SUPT3H: variants seen among roughly 807,000 people sequenced by gnomAD.
The protein encoded by SUPT3H is SPT3 homolog, SAGA and STAGA complex component.
A neutral mutation model predicts 44.3 loss-of-function variants in SUPT3H; 44 were observed. The ratio of observed to expected loss-of-function variants is 0.99; its 90% CI spans 0.78 to 1.28. The LOEUF (loss-of-function observed/expected upper bound fraction) is 1.28, where lower values mean the gene tolerates loss of function less well. SUPT3H is among the 50% of genes most tolerant of loss of function. The probability of loss-of-function intolerance (pLI) is 0.00; values close to 1 mark genes in which losing one functional copy is unlikely to be tolerated. For missense variants in SUPT3H, 380 were observed against 387.1 expected, an observed-to-expected ratio of 0.98 and a Z score of 0.15; for synonymous variants, 124 against 125.6, an observed-to-expected ratio of 0.99 and a Z score of 0.09.
intron 2 of SUPT3H, among the ~76,000 whole-genome samples, chr6:45,271,898 G>A (rs1249358777): frequency 6.6e-6 from 1 of 152,188 alleles, no homozygotes; most frequent in Admixed American, 6.5e-5. Context: ...AGTGTGACCT[G>A]GATGTGAGAC....
At chr6:45,195,937 A>G (rs1815943013) in intron 2 of SUPT3H, among the ~76,000 whole-genome samples, 1 of 152,124 alleles carries the variant, frequency 6.6e-6, no homozygotes, top group African/African-American at 2.4e-5. Flanking sequence ...GGGAATAATG[A>G]TCATTCTTAC....
intron 3 of SUPT3H, among the ~76,000 whole-genome samples, chr6:45,067,769 T>C (rs1432107306): frequency 1.4e-5 from 2 of 143,044 alleles, no homozygotes; most frequent in East Asian, 4.0e-4. Context: ...TGAGATACCA[T>C]CTCACACCAG....
intron 10 of SUPT3H, among the ~76,000 whole-genome samples, chr6:44,893,246 CTTTAAG>C (rs1246020735): frequency 1.3e-5 from 2 of 152,076 alleles, no homozygotes; most frequent in Non-Finnish European, 2.9e-5. Flanking sequence ...AATTATTATA[CTTTAAG>C]TTTTAGGGTA....
chr6:45,350,424 A>G (rs544118394), intron 2 of SUPT3H, among the ~76,000 whole-genome samples: 1 of 152,352 alleles, frequency 6.6e-6, no homozygotes, highest in African/African-American at 2.4e-5. Context: ...AATTTGTAAT[A>G]CACACCATTT....
At chr6:45,214,889 A>G (rs1170502471) in intron 2 of SUPT3H, among the ~76,000 whole-genome samples, 1 of 152,108 alleles carries the variant, frequency 6.6e-6, no homozygotes, top group Non-Finnish European at 1.5e-5. Flanking sequence ...CACGACCGAG[A>G]GTCGGCACTC....
At chr6:45,245,202 C>A (rs1464695677) in intron 2 of SUPT3H, among the ~76,000 whole-genome samples, 2 of 151,948 alleles carry the variant, frequency 1.3e-5, no homozygotes, top group African/African-American at 4.8e-5. Context: ...GAATTTAAGT[C>A]CCTAAATAAT....
chr6:44,960,824 T>C (rs1582770459), intron 7 of SUPT3H, among the ~76,000 whole-genome samples: 1 of 152,282 alleles, frequency 6.6e-6, no homozygotes, highest in East Asian at 1.9e-4. Context: ...AAAAAAATCT[T>C]CCAAAACATG....
chr6:45,238,813 A>C (rs1287929846), intron 2 of SUPT3H, among the ~76,000 whole-genome samples: 1 of 152,338 alleles, frequency 6.6e-6, no homozygotes, highest in African/African-American at 2.4e-5. Flanking sequence ...ACGAAGGCAC[A>C]AATACAGCAA....
intron 10 of SUPT3H, among the ~76,000 whole-genome samples, chr6:44,927,073 C>T (rs1769623291): frequency 6.6e-6 from 1 of 151,858 alleles, no homozygotes. Context: ...TATCCACTAT[C>T]ACTATTTATA....
chr6:45,155,994 C>T (rs1373620722), intron 2 of SUPT3H, among the ~76,000 whole-genome samples: 1 of 152,086 alleles, frequency 6.6e-6, no homozygotes, highest in African/African-American at 2.4e-5. Context: ...AAGCCAAACT[C>T]ATTACCTCTT....
At chr6:44,962,417 G>A (rs1227842125) in intron 6 of SUPT3H, among the ~76,000 whole-genome samples, 1 of 152,130 alleles carries the variant, frequency 6.6e-6, no homozygotes, top group Non-Finnish European at 1.5e-5. Flanking sequence ...CTGCTTCACT[G>A]TCCCACAAGA....
At chr6:45,328,439 GCCACCGAGACCAA>G in intron 2 of SUPT3H, 1 of 1,455,452 alleles carries the variant, frequency 6.9e-7, no homozygotes, top group Non-Finnish European at 9.3e-7. Flanking sequence ...GTCACTACCA[GCCACCGAGACCAA>G]CAGAGTCAGT....
intron 10 of SUPT3H, among the ~76,000 whole-genome samples, chr6:44,887,398 C>G (rs1356255430): frequency 6.6e-6 from 1 of 152,152 alleles, no homozygotes; most frequent in Non-Finnish European, 1.5e-5. Flanking sequence ...TGTAAAAGAA[C>G]AGAAATTATA....
chr6:45,165,210 TG>T lies in SUPT3H; in HGVS notation c.102-59205del, dbSNP rs539339546. 2.8e-3 allele frequency among the ~76,000 whole-genome samples: 423 copies of T among 152,230 alleles called. 5 individuals are homozygous for T. Among genetic ancestry groups the T allele is most frequent in the Non-Finnish European group, 1.3e-3 (86 of 68,018 alleles). On this transcript the variant is annotated intron_variant, in intron 2 of 10. Coordinates refer to ENST00000371459, the MANE Select transcript of SUPT3H (RefSeq NM_003599.4). ...CTGATGAAAGCTATCCTAAAAGAGC[TG>T]GAACACTGAGAAAAACCACCAGTAC...
rs1382863307 is a variant in SUPT3H at position 44,848,015 on chromosome 6, G to A, written c.913-18158C>T. 4.1e-5 allele frequency among the ~76,000 whole-genome samples: 5 copies of A among 122,396 alleles called. No homozygotes were observed. In the Admixed American group the frequency reaches 4.3e-4, roughly 11 times the overall value. The allele number at this position is 122,396 out of a possible 152,430, so 80.3% of individuals were successfully genotyped here. A position where few individuals can be genotyped will look rare whatever the true frequency, so the allele number is the denominator to read the frequency against. Reference sequence around the variant, plus strand: ...GGAGTCTGGCTCTGTTATCCAGGCTGGAGTGCAGTGGCATGATCTTGACTC... The same window carrying A: ...GGAGTCTGGCTCTGTTATCCAGGCTAGAGTGCAGTGGCATGATCTTGACTC... On this transcript the variant is annotated intron_variant, in intron 10 of 10. Transcript: ENST00000371459.
chr6:45,250,824 C>T (rs1040679862), intron 2 of SUPT3H: 14 of 151,876 alleles, frequency 9.2e-5, no homozygotes, highest in African/African-American at 3.4e-4. Flanking sequence ...GGGCATAAGA[C>T]TGCCTTTTTT....
chr6:45,081,994 TAAAG>T (rs1307655670), intron 3 of SUPT3H, among the ~76,000 whole-genome samples: 4 of 152,006 alleles, frequency 2.6e-5, no homozygotes, highest in Non-Finnish European at 4.4e-5. Context: ...AACTTGCAAA[TAAAG>T]AAAGTGCCAC....
rs576662149 is a variant in SUPT3H at position 45,050,613 on chromosome 6, C to T, written c.187-29981G>A. Among the ~76,000 whole-genome samples the T allele has an allele frequency of 4.6e-5, 7 of 152,148 alleles. No homozygotes were observed. In the East Asian group the frequency reaches 1.3e-3, roughly 29 times the overall value. ...GTATTCAGTAGAAAATAAACCATGC[C>T]ACATATATTTGATATTAATTTTGTT... On this transcript the variant is annotated intron_variant, in intron 3 of 10. Coordinates refer to ENST00000371459, the MANE Select transcript of SUPT3H (RefSeq NM_003599.4).
chr6:44,865,889 G>A (rs983541096), intron 10 of SUPT3H, among the ~76,000 whole-genome samples: 1 of 152,172 alleles, frequency 6.6e-6, no homozygotes, highest in Non-Finnish European at 1.5e-5. Context: ...CTGCCAAGGA[G>A]AGGACTCAAG....
Sources: allele counts gnomAD v4.1 joint callset (sites outside exome capture counted in the v4.1 genomes callset), GRCh38; gene constraint gnomAD v4.1.1; transcripts MANE v1.5; gene names NCBI Gene and HGNC (gene_info 2026-07-23, HGNC 2026-07-21).